Variants in SMYD3 observed in about 807,000 individuals in gnomAD.
The protein encoded by SMYD3 is SET and MYND domain containing 3.
A neutral mutation model predicts 57.7 loss-of-function variants in SMYD3; 36 were observed. The ratio of observed to expected loss-of-function variants is 0.62; its 90% confidence interval spans 0.48 to 0.82. The LOEUF is 0.82. Among genes scored for constraint, SMYD3 ranks in the 40% least tolerant of loss-of-function variants. The pLI, the probability that SMYD3 is intolerant of heterozygous loss-of-function variation, is 0.00. For synonymous variants in SMYD3, 211 were observed against 195.0 expected, an observed-to-expected ratio of 1.08 and a Z score of -0.68; for missense variants, 515 against 538.8, an observed-to-expected ratio of 0.96 and a Z score of 0.44.
intron 10 of SMYD3, among the ~76,000 whole-genome samples, chr1:245,839,135 A>G (rs548268165): frequency 3.9e-5 from 6 of 152,280 alleles, no homozygotes; most frequent in African/African-American, 1.4e-4. Flanking sequence ...TCTCATTTTG[A>G]AACCCTCACA....
At chr1:246,312,592 T>C (rs1370245483) in intron 5 of SMYD3, among the ~76,000 whole-genome samples, 1 of 152,176 alleles carries the variant, frequency 6.6e-6, no homozygotes, top group African/African-American at 2.4e-5. Flanking sequence ...AGCAGTATGC[T>C]GTGCGGAAGA....
chr1:246,212,761 G>A (rs1026232455), intron 5 of SMYD3, among the ~76,000 whole-genome samples: 1 of 152,050 alleles, frequency 6.6e-6, no homozygotes, highest in African/African-American at 2.4e-5. Context: ...TTTCCATAAA[G>A]ATCTAATAAA....
intron 5 of SMYD3, among the ~76,000 whole-genome samples, chr1:245,986,569 C>G (rs893343967): frequency 6.6e-6 from 1 of 152,168 alleles, no homozygotes; most frequent in African/African-American, 2.4e-5. Context: ...GTAATAAATG[C>G]CTGAACTAGC....
intron 5 of SMYD3, among the ~76,000 whole-genome samples, chr1:246,115,355 A>G (rs1188579961): frequency 6.6e-6 from 1 of 152,186 alleles, no homozygotes; most frequent in East Asian, 1.9e-4. Context: ...GAAGACCCAA[A>G]GAGCCTTGCC....
At chr1:246,307,139 A>C (rs12022179) in intron 5 of SMYD3, among the ~76,000 whole-genome samples, 10,159 of 152,278 alleles carry the variant, frequency 0.067, 529 homozygotes, top group African/African-American at 0.13. Flanking sequence ...CATGAAAAAT[A>C]GCTCCGCTGA....
At chr1:246,164,283 C>A (rs998079545) in intron 5 of SMYD3, among the ~76,000 whole-genome samples, 1 of 152,048 alleles carries the variant, frequency 6.6e-6, no homozygotes, top group African/African-American at 2.4e-5. Flanking sequence ...ATTAGCTGGG[C>A]GTGGTGGCGG....
intron 5 of SMYD3, among the ~76,000 whole-genome samples, chr1:246,090,521 TC>T (rs1480249527): frequency 4.8e-4 from 28 of 58,574 alleles, no homozygotes; most frequent in Non-Finnish European, 5.3e-4. Context: ...TTTCTCTCTC[TC>T]TTTTTTTTTT....
chr1:245,764,042 A>C lies in SMYD3; in HGVS notation c.1184T>G (p.Leu395Arg). 6.2e-7 allele frequency: 1 copy of C among 1,609,954 alleles called. No individual in the cohort carries two copies. The highest frequency in any genetic ancestry group is 8.5e-7 in the Non-Finnish European group (1 of 1,176,246). The change falls in exon 11 of 12, where the codon CTG becomes CGG. Residue 395 changes from leucine (L) to arginine (R), a missense_variant and splice_region_variant. By Grantham distance (102) the Leu-to-Arg change is moderately radical (BLOSUM62 -2). Transcript: ENST00000490107. ...MFPQAMKNLRLAFDIMRVTHG... is the reference protein window; with the variant it reads ...MFPQAMKNLRRAFDIMRVTHG... ...TATGTGAGATCTTGGCACACTCACC[A>C]GTCTCAGATTCTTCATTGCTTGGGG...
rs1022823733 is a variant in SMYD3 at position 245,992,571 on chromosome 1, G to A, written c.532-62634C>T. On this transcript the variant is annotated intron_variant, in intron 5 of 11. Coordinates refer to ENST00000490107, the MANE Select transcript of SMYD3 (RefSeq NM_001167740.2). ...ATGGGGCCTGGAGTGGTCATGGATC[G>A]GCCACTTCTAGAATGGCGGTCATGG... is the stretch of plus-strand genomic sequence containing the variant. 2.7e-3 allele frequency among the ~76,000 whole-genome samples: 376 copies of A among 139,032 alleles called. 2 individuals are homozygous for A. Among genetic ancestry groups the A allele is most frequent in the Non-Finnish European group, 3.4e-3 (215 of 63,954 alleles). 91.2% of individuals were successfully genotyped at this position (139,032 alleles called of 152,430 possible).
rs79342248 is a variant in SMYD3, at chr1:245,862,693, G to T, written c.901+1106C>A. Among the ~76,000 whole-genome samples, 8 of 152,278 alleles carry T rather than the reference G, an allele frequency of 5.3e-5. No individual in the cohort carries two copies. In the East Asian group the frequency reaches 1.5e-3, roughly 29 times the overall value. ...AATCATGTAACATCATTTTTTCAGTGTAGCTATTCAGTTAGCTTTGCTAAC... is the reference window on the plus strand; with the variant it reads ...AATCATGTAACATCATTTTTTCAGTTTAGCTATTCAGTTAGCTTTGCTAAC... On this transcript the variant is annotated intron_variant, in intron 9 of 11. Coordinates refer to ENST00000490107, the MANE Select transcript of SMYD3 (RefSeq NM_001167740.2).
At chr1:246,264,536 T>C (rs961370534) in intron 5 of SMYD3, among the ~76,000 whole-genome samples, 1 of 152,222 alleles carries the variant, frequency 6.6e-6, no homozygotes, top group Non-Finnish European at 1.5e-5. Flanking sequence ...TATGATTTTA[T>C]TCTCACACAT....
intron 10 of SMYD3, among the ~76,000 whole-genome samples, chr1:245,839,984 G>A (rs925528118): frequency 4.6e-5 from 7 of 152,142 alleles, no homozygotes; most frequent in Non-Finnish European, 8.8e-5. Context: ...AGTTTCCTAA[G>A]AGATAAAATT....
rs1183913248 is a variant in SMYD3 at position 245,995,979 on chromosome 1, GA to G, written c.532-66043del. Among the ~76,000 whole-genome samples, 16 of 151,170 alleles carry G rather than the reference GA, an allele frequency of 1.1e-4. No individual in the cohort carries two copies. In the East Asian group the frequency reaches 3.1e-3, roughly 29 times the overall value. ...CAGCCAGAAATTGGGCAGATGTATA[GA>G]AAAAAAAATGAAATGTTATTTTTGG... On this transcript the variant is annotated intron_variant, in intron 5 of 11. Coordinates refer to ENST00000490107, the MANE Select transcript of SMYD3 (RefSeq NM_001167740.2).
chr1:246,045,851 G>A (rs866606761), intron 5 of SMYD3, among the ~76,000 whole-genome samples: 2 of 152,200 alleles, frequency 1.3e-5, no homozygotes, highest in South Asian at 4.1e-4. Flanking sequence ...AGACATTTAT[G>A]CAGCCAACAG....
chr1:246,229,868 G>T (rs10924574), intron 5 of SMYD3, among the ~76,000 whole-genome samples: 2 of 144,760 alleles, frequency 1.4e-5, no homozygotes, highest in African/African-American at 2.6e-5. Flanking sequence ...CCTTTCAAGC[G>T]TTTTGAGGTA....
chr1:245,815,569 AG>A (rs1365695566), intron 10 of SMYD3, among the ~76,000 whole-genome samples: 1 of 152,258 alleles, frequency 6.6e-6, no homozygotes, highest in Non-Finnish European at 1.5e-5. Context: ...TCACAGGTCA[AG>A]AAGTACACAG....
chr1:245,749,587 G>A lies in SMYD3; in HGVS notation c.1263C>T (p.Cys421=), dbSNP rs139195102. ...CTTAGGATGCTCTGATGTTGGCGTC[G>A]CATTCTTCTAAAAGTAGAATCAAAT... The part of the protein sequence containing the change: ...IEDLILLLEE[C]DANIRAS The change falls in exon 12 of 12, where the codon TGC becomes TGT. Residue 421 remains cysteine (C), a synonymous_variant. Coordinates refer to ENST00000490107, the MANE Select transcript of SMYD3 (RefSeq NM_001167740.2). The A allele has an allele frequency of 1.0e-4, 164 of 1,613,714 alleles. No individual in the cohort carries two copies. In the East Asian group the frequency reaches 1.3e-3, roughly 13 times the overall value.
intron 10 of SMYD3, among the ~76,000 whole-genome samples, chr1:245,815,462 G>T (rs141595677): frequency 6.6e-5 from 10 of 152,314 alleles, no homozygotes; most frequent in Non-Finnish European, 1.3e-4. Context: ...GAATAGCTGG[G>T]GAGCTAATGA....
chr1:246,158,261 G>C (rs113906350), intron 5 of SMYD3, among the ~76,000 whole-genome samples: 35 of 152,286 alleles, frequency 2.3e-4, no homozygotes, highest in African/African-American at 8.4e-4. Flanking sequence ...GTTTGTAATT[G>C]ATGTATCTGA....
Sources: allele counts gnomAD v4.1 joint callset (sites outside exome capture counted in the v4.1 genomes callset), GRCh38; gene constraint gnomAD v4.1.1; transcripts MANE v1.5; gene names NCBI Gene and HGNC (gene_info 2026-07-23, HGNC 2026-07-21).